PPM1F: variants seen among roughly 807,000 people sequenced by gnomAD.
PPM1F encodes protein phosphatase 1F.
A neutral mutation model predicts 35.5 loss-of-function variants in PPM1F; 17 were observed. The ratio of observed to expected loss-of-function variants is 0.48; its 90% CI spans 0.33 to 0.72. PPM1F has a LOEUF of 0.72. PPM1F is among the 30% of genes least tolerant of loss of function. The pLI is 0.02. For missense variants in PPM1F, 521 were observed against 613.0 expected (o/e 0.85, Z 1.59); for synonymous variants, 241 against 255.5 (o/e 0.94, Z 0.54).
intron 6 of PPM1F, among the ~76,000 whole-genome samples, chr22:21,928,214 C>T (rs1435635491): frequency 6.6e-6 from 1 of 152,180 alleles, no homozygotes; most frequent in Non-Finnish European, 1.5e-5. Context: ...CCATTTCCTG[C>T]TTCCTAGGAG....
At chr22:21,927,622 C>T (rs2070531982) in intron 6 of PPM1F, among the ~76,000 whole-genome samples, 1 of 152,266 alleles carries the variant, frequency 6.6e-6, no homozygotes, top group Admixed American at 6.5e-5. Context: ...AGCCCCTCCC[C>T]ACCACCAGGG....
At position 21,923,062 on chromosome 22, in the gene PPM1F, G is replaced by A; in HGVS notation, c.*30C>T. 1.3e-6 allele frequency: 2 copies of A among 1,563,114 alleles called. No homozygotes were observed. Among genetic ancestry groups the A allele is most frequent in the South Asian group, 2.4e-5 (2 of 83,308 alleles). The stretch of plus-strand genomic sequence containing the variant: ...GAGGGAGAGAAGGACAAGGATGGGA[G>A]GAAGGGGAGGGCAGGGGCCTGGAAA... On this transcript the variant is annotated 3_prime_UTR_variant, in exon 8 of 8. Transcript: ENST00000263212.
In PPM1F at chr22:21,940,128, C is replaced by T. The variant is rs114145719; in HGVS notation, c.207-448G>A. ...TTACAGATGGAATTAGTTAAGATGA[C>T]GTCATGCTGGAGCAGGCTGGGCCCC... On this transcript the variant is annotated intron_variant, in intron 2 of 7. Transcript: ENST00000263212. Among the ~76,000 whole-genome samples, 894 of 152,224 alleles carry T rather than the reference C, an allele frequency of 5.9e-3. 8 individuals carry two copies. The highest frequency in any genetic ancestry group is 0.021 in the African/African-American group (855 of 41,508).
intron 1 of PPM1F, chr22:21,950,927 C>A (rs1380460732): frequency 6.6e-6 from 1 of 152,032 alleles, no homozygotes; most frequent in Non-Finnish European, 1.5e-5. Flanking sequence ...GCCTGGCCAA[C>A]CTTTTTCTAC....
intron 7 of PPM1F, chr22:21,925,069 T>C (rs908727269): frequency 1.8e-5 from 3 of 162,782 alleles, no homozygotes; most frequent in Non-Finnish European, 3.9e-5. Context: ...GGCTAATTTT[T>C]TGTATTTTTT....
intron 1 of PPM1F, chr22:21,948,703 C>T (rs1021849880): frequency 6.6e-6 from 1 of 152,298 alleles, no homozygotes; most frequent in Non-Finnish European, 1.5e-5. Context: ...TCCAAGTGAT[C>T]TGGAGGCTCT....
At chr22:21,948,241 T>G (rs2070796317) in intron 1 of PPM1F, 1 of 144,492 alleles carries the variant, frequency 6.9e-6, no homozygotes, top group Non-Finnish European at 1.5e-5. Context: ...TTGGGGAGGG[T>G]GAGGCAGGAG....
rs1053921834 is a variant in PPM1F, at chr22:21,919,616, A to G, written c.*3476T>C. 2.6e-4 allele frequency: 40 copies of G among 152,592 alleles called. No individual in the cohort carries two copies. The highest frequency in any genetic ancestry group is 2.5e-3 in the Admixed American group (38 of 15,298). The allele number at this position is 152,592 out of a possible 1,614,324, so 9.5% of individuals were successfully genotyped here. A position where few individuals can be genotyped will look rare whatever the true frequency, so the allele number is the denominator to read the frequency against. The stretch of plus-strand genomic sequence containing the variant: ...AGACGAACGCAGATAAACCCTTCGC[A>G]AGGCCTGCACTGCACCGGAATGGCA... On this transcript the variant is annotated 3_prime_UTR_variant, in exon 8 of 8. Transcript: ENST00000263212.
intron 4 of PPM1F, 67 bp from the exon 5 acceptor site, chr22:21,933,646 C>T (rs1313114770): frequency 7.0e-7 from 1 of 1,425,746 alleles, no homozygotes. Context: ...GGCGTGGCGC[C>T]AGGCACTGAT....
At chr22:21,951,025 A>T (rs1311460736) in intron 1 of PPM1F, 3 of 152,002 alleles carry the variant, frequency 2.0e-5, no homozygotes, top group Non-Finnish European at 2.9e-5. Flanking sequence ...ACATATATAA[A>T]TTTTTTTTAT....
intron 6 of PPM1F, chr22:21,926,174 C>G (rs1054593141): frequency 2.6e-5 from 4 of 151,634 alleles, no homozygotes; most frequent in African/African-American, 9.8e-5. Context: ...GCTCTGTCAC[C>G]TGGCTGGAGT....
chr22:21,938,887 G>C (rs187314838), intron 3 of PPM1F: 1 of 154,350 alleles, frequency 6.5e-6, no homozygotes, highest in Admixed American at 6.4e-5. Context: ...CTGTGAAATG[G>C]ATCTGCAGCC....
chr22:21,925,986 C>G, intron 6 of PPM1F: 1 of 307,012 alleles, frequency 3.3e-6, no homozygotes, highest in Non-Finnish European at 6.0e-6. Flanking sequence ...ACACAGACAG[C>G]AGATCCTTCT....
At position 21,922,940 on chromosome 22, in the gene PPM1F, G is replaced by GT. The variant is rs2070463665; in HGVS notation, c.*151_*152insA. On this transcript the variant is annotated 3_prime_UTR_variant, in exon 8 of 8. Coordinates refer to ENST00000263212, the MANE Select transcript of PPM1F (RefSeq NM_014634.4). ...AGTTCCACAGCCACCAGGACGGGCT[G>GT]CGGGGGGTGTCCCGACTGGCTCTGG... 1.2e-5 allele frequency: 11 copies of GT among 912,746 alleles called. No individual in the cohort carries two copies. Among genetic ancestry groups the GT allele is most frequent in the East Asian group, 2.5e-5 (1 of 40,418 alleles). The allele number at this position is 912,746 out of a possible 1,614,324, so 56.5% of individuals were successfully genotyped here.
intron 7 of PPM1F, 92 bp from the exon 8 acceptor site, chr22:21,923,563 G>GACA: frequency 7.2e-7 from 1 of 1,390,734 alleles, no homozygotes; most frequent in Non-Finnish European, 9.7e-7. Flanking sequence ...ATCCTGCAGG[G>GACA]ACAGAGACCA....
Position 21,923,331 on chromosome 22 carries a change from G to A in PPM1F, c.1126C>T (p.Gln376Ter). The change falls in exon 8 of 8, where the codon CAG becomes TAG. Residue 376 changes from glutamine (Q) to a stop codon, truncating the protein, a stop_gained. Coordinates refer to ENST00000263212, the MANE Select transcript of PPM1F (RefSeq NM_014634.4). LOFTEE classifies it low-confidence loss of function (END_TRUNC). ...VPHQEVVGLVQSHLTRQQGSG... is the reference protein window; with the variant it reads ...VPHQEVVGLV ...CCCTGCTGCCTGGTCAGGTGGCTCTGGACCAGGCCAACAACTTCCTGGTGG... is the reference window on the plus strand; with the variant it reads ...CCCTGCTGCCTGGTCAGGTGGCTCTAGACCAGGCCAACAACTTCCTGGTGG... The A allele has an allele frequency of 6.2e-7, 1 of 1,613,734 alleles. No homozygotes were observed. The highest frequency in any genetic ancestry group is 8.5e-7 in the Non-Finnish European group (1 of 1,179,968).
At chr22:21,928,370 C>T (rs999873021) in intron 6 of PPM1F, among the ~76,000 whole-genome samples, 2 of 152,204 alleles carry the variant, frequency 1.3e-5, no homozygotes, top group Non-Finnish European at 2.9e-5. Context: ...GCCAGCGTGA[C>T]CTGTGACCTT....
rs773278865 is a variant in PPM1F, at chr22:21,933,437, G to A, written c.701C>T (p.Ala234Val). The stretch of plus-strand genomic sequence containing the variant: ...AAACATCTGGTCGGTGCGCCGGAAG[G>A]CTTCTCTGAGGGCTCCCTCAGGGTC... ...PTDPEGALRE[A>V]FRRTDQMFLR... Residue 234 changes from alanine to valine, a missense_variant, in exon 5 of 8, where the codon GCC (alanine) becomes GTC (valine). By Grantham distance (64) the Ala-to-Val change is moderately conservative. Transcript: ENST00000263212. 6.2e-7 allele frequency: 1 copy of A among 1,612,874 alleles called. No homozygotes were observed. Among genetic ancestry groups the A allele is most frequent in the African/African-American group, 1.3e-5 (1 of 74,934 alleles).
chr22:21,925,683 T>G (rs768233735), intron 6 of PPM1F, 21 bp from the exon 7 acceptor site: 1 of 1,560,400 alleles, frequency 6.4e-7, no homozygotes, highest in Middle Eastern at 1.7e-4. Flanking sequence ...ACAGCCAGAG[T>G]TGGGGGCAGG....
Sources: allele counts gnomAD v4.1 joint callset (sites outside exome capture counted in the v4.1 genomes callset), GRCh38; gene constraint gnomAD v4.1.1; transcripts MANE v1.5; gene names NCBI Gene and HGNC (gene_info 2026-07-23, HGNC 2026-07-21).